The following SETBP1 variants were observed in gnomAD, a reference collection of about 807,000 sequenced individuals.
The protein encoded by SETBP1 is SET-binding protein.
SETBP1 carries 9 observed loss-of-function variants against 101.0 expected under a neutral mutation model. That is an observed-to-expected ratio of 0.09 (90% CI 0.05 to 0.16). SETBP1 has a LOEUF of 0.16. Among genes scored for constraint, SETBP1 ranks in the 10% least tolerant of loss-of-function variants. The pLI is 1.00. For missense variants in SETBP1, 1,858 were observed against 2,033.8 expected, an observed-to-expected ratio of 0.91 and a Z score of 1.66; for synonymous variants, 818 against 788.5, an observed-to-expected ratio of 1.04 and a Z score of -0.63.
chr18:44,830,049 T>C (rs574404513), intron 2 of SETBP1, among the ~76,000 whole-genome samples: 1 of 152,326 alleles, frequency 6.6e-6, no homozygotes, highest in South Asian at 2.1e-4. Flanking sequence ...TTCCTCTGCA[T>C]GTTAGTAAAA....
chr18:45,051,459 G>C (rs535205810), intron 5 of SETBP1, among the ~76,000 whole-genome samples: 9 of 152,220 alleles, frequency 5.9e-5, no homozygotes, highest in Non-Finnish European at 1.3e-4. Context: ...TCACATGCTT[G>C]GCAATGAAAA....
intron 2 of SETBP1, among the ~76,000 whole-genome samples, chr18:44,851,291 T>C (rs1040498908): frequency 1.3e-5 from 2 of 152,158 alleles, no homozygotes; most frequent in African/African-American, 4.8e-5. Flanking sequence ...TGAGTCTTCA[T>C]TTGGATGGTA....
chr18:45,066,046 C>T lies in SETBP1; in HGVS notation c.*2348C>T, dbSNP rs1448190745. On this transcript the variant is annotated 3_prime_UTR_variant, in exon 6 of 6. Coordinates refer to ENST00000649279, the MANE Select transcript of SETBP1 (RefSeq NM_015559.3). ...TTCCTTCCTGTGTTGTACTATCTCT[C>T]CAACCACGTCTATAAGCAGACTCAA... The T allele has an allele frequency of 6.6e-6, 1 of 152,166 alleles. No individual in the cohort carries two copies. The highest frequency in any genetic ancestry group is 1.5e-5 in the Non-Finnish European group (1 of 68,030). The allele number at this position is 152,166 out of a possible 1,614,324, so 9.4% of individuals were successfully genotyped here.
chr18:44,837,185 C>T (rs1418179108), intron 2 of SETBP1, among the ~76,000 whole-genome samples: 1 of 152,162 alleles, frequency 6.6e-6, no homozygotes, highest in Non-Finnish European at 1.5e-5. Context: ...CTTTGCTATG[C>T]ACTCCTTTTT....
intron 2 of SETBP1, among the ~76,000 whole-genome samples, chr18:44,833,284 G>A (rs2072417991): frequency 6.6e-6 from 1 of 152,254 alleles, no homozygotes; most frequent in African/African-American, 2.4e-5. Context: ...GGAAGCAGCA[G>A]TTGTGTTTAA....
intron 2 of SETBP1, among the ~76,000 whole-genome samples, chr18:44,710,879 G>T (rs2069323765): frequency 6.6e-6 from 1 of 152,184 alleles, no homozygotes; most frequent in African/African-American, 2.4e-5. Context: ...TGGCACTAAG[G>T]CTCTGATCAC....
intron 4 of SETBP1, among the ~76,000 whole-genome samples, chr18:44,976,958 G>A (rs1236100693): frequency 6.6e-6 from 1 of 152,158 alleles, no homozygotes; most frequent in Non-Finnish European, 1.5e-5. Flanking sequence ...CTAAAATGGG[G>A]GAAAATTGTG....
chr18:44,931,061 CT>C, intron 3 of SETBP1, among the ~76,000 whole-genome samples: 1 of 152,308 alleles, frequency 6.6e-6, no homozygotes, highest in Non-Finnish European at 1.5e-5. Flanking sequence ...TTCCTGCTTT[CT>C]CTTGTGGGCA....
chr18:44,831,448 G>A (rs879881758), intron 2 of SETBP1, among the ~76,000 whole-genome samples: 1 of 152,174 alleles, frequency 6.6e-6, no homozygotes, highest in Non-Finnish European at 1.5e-5. Context: ...ATACCATTAT[G>A]ACTTTCAATG....
chr18:44,878,890 C>T (rs2069469084), intron 3 of SETBP1, among the ~76,000 whole-genome samples: 1 of 152,182 alleles, frequency 6.6e-6, no homozygotes, highest in Admixed American at 6.5e-5. Flanking sequence ...TGGCTTTTTG[C>T]AGACATCTGC....
chr18:44,765,831 C>T (rs1366749222), intron 2 of SETBP1, among the ~76,000 whole-genome samples: 9 of 152,194 alleles, frequency 5.9e-5, no homozygotes, highest in Non-Finnish European at 1.3e-4. Context: ...TCTCCCTCTT[C>T]CTACTACCTA....
chr18:44,869,440 T>C, intron 3 of SETBP1, 157 bp downstream of exon 3: 1 of 710,520 alleles, frequency 1.4e-6, no homozygotes, highest in African/African-American at 1.7e-5. Flanking sequence ...CTTGCTCTCC[T>C]CCTCCAGCTC....
chr18:44,776,223 C>T (rs1298952634), intron 2 of SETBP1, among the ~76,000 whole-genome samples: 1 of 152,106 alleles, frequency 6.6e-6, no homozygotes, highest in Non-Finnish European at 1.5e-5. Context: ...GTATTTTCTT[C>T]CCCCCACCTT....
chr18:44,874,902 G>A (rs1471107233), intron 3 of SETBP1, among the ~76,000 whole-genome samples: 1 of 152,180 alleles, frequency 6.6e-6, no homozygotes, highest in East Asian at 1.9e-4. Flanking sequence ...TGGAGTTTCT[G>A]CATAGAGAGA....
intron 2 of SETBP1, among the ~76,000 whole-genome samples, chr18:44,779,778 C>T (rs1395186981): frequency 1.3e-5 from 2 of 152,118 alleles, no homozygotes; most frequent in Non-Finnish European, 2.9e-5. Flanking sequence ...CCTTTTCTAG[C>T]TTCTTACCCC....
chr18:44,931,468 A>T (rs2070832709), intron 3 of SETBP1, among the ~76,000 whole-genome samples: 1 of 152,154 alleles, frequency 6.6e-6, no homozygotes, highest in Admixed American at 6.5e-5. Flanking sequence ...CTTGGTGCAG[A>T]GCTGAGTTCA....
At chr18:44,688,959 C>T (rs535442870) in intron 1 of SETBP1, among the ~76,000 whole-genome samples, 1 of 152,156 alleles carries the variant, frequency 6.6e-6, no homozygotes, top group African/African-American at 2.4e-5. Context: ...AAGGCCTGCT[C>T]TGAGATGTGG....
At chr18:44,707,615 A>T (rs1341970541) in intron 2 of SETBP1, among the ~76,000 whole-genome samples, 1 of 152,148 alleles carries the variant, frequency 6.6e-6, no homozygotes, top group Non-Finnish European at 1.5e-5. Context: ...AGCATTCACA[A>T]TCTGCTTTTG....
At chr18:45,055,227 G>T (rs1196244255) in intron 5 of SETBP1, among the ~76,000 whole-genome samples, 1 of 152,122 alleles carries the variant, frequency 6.6e-6, no homozygotes, top group Non-Finnish European at 1.5e-5. Flanking sequence ...CTCTCGAGGA[G>T]TTTTTTGAAA....
Sources: gnomAD v4.1 joint callset for allele counts (sites outside exome capture counted in the v4.1 genomes callset) on GRCh38, gnomAD v4.1.1 for gene constraint, MANE v1.5 for transcripts, NCBI Gene and HGNC (gene_info 2026-07-23, HGNC 2026-07-21) for gene names.